Variants in PHACTR4 observed in about 807,000 individuals in gnomAD.
PHACTR4 encodes phosphatase and actin regulator 4.
PHACTR4 carries 51 observed loss-of-function variants against 72.7 expected under a neutral mutation model. That is an observed-to-expected ratio of 0.70 (90% CI 0.56 to 0.89). The LOEUF is 0.89. PHACTR4 is among the 40% of genes least tolerant of loss of function. The pLI is 0.00. For synonymous variants in PHACTR4, 255 were observed against 302.5 expected (o/e 0.84, Z 1.63); for missense variants, 731 against 861.8 (o/e 0.85, Z 1.90).
chr1:28,397,590 C>T (rs1301144303), intron 1 of PHACTR4, among the ~76,000 whole-genome samples: 1 of 152,058 alleles, frequency 6.6e-6, no homozygotes, highest in Non-Finnish European at 1.5e-5. Context: ...TGACGGTTTC[C>T]ATCTGAGTAG....
chr1:28,450,708 C>G (rs1297160676), intron 2 of PHACTR4, among the ~76,000 whole-genome samples: 1 of 152,084 alleles, frequency 6.6e-6, no homozygotes, highest in Non-Finnish European at 1.5e-5. Context: ...CAACCTCAAC[C>G]ACCTGAGCTT....
intron 1 of PHACTR4, among the ~76,000 whole-genome samples, chr1:28,373,296 A>G (rs1205811360): frequency 6.0e-5 from 9 of 149,190 alleles, no homozygotes; most frequent in African/African-American, 2.2e-4. Context: ...TTTAAACATA[A>G]TTTTTTTTTT....
At chr1:28,433,604 C>T (rs1557810906) in intron 2 of PHACTR4, among the ~76,000 whole-genome samples, 1 of 150,694 alleles carries the variant, frequency 6.6e-6, no homozygotes. Context: ...ACTACAGGTG[C>T]CAGCCACCAC....
intron 10 of PHACTR4, chr1:28,489,942 T>C (rs768039448): frequency 1.9e-6 from 1 of 514,712 alleles, no homozygotes; most frequent in South Asian, 1.4e-5. Context: ...TGGGAGCCCT[T>C]ATAACGTATC....
At chr1:28,411,116 G>C (rs1396965987) in intron 2 of PHACTR4, among the ~76,000 whole-genome samples, 6 of 146,352 alleles carry the variant, frequency 4.1e-5, no homozygotes, top group Non-Finnish European at 9.0e-5. Flanking sequence ...GTGTGATCTC[G>C]GCTCACTGCA....
chr1:28,415,507 C>T (rs1383260901), intron 2 of PHACTR4, among the ~76,000 whole-genome samples: 2 of 152,190 alleles, frequency 1.3e-5, no homozygotes, highest in African/African-American at 4.8e-5. Flanking sequence ...GAAACCCTAG[C>T]ATATCACTTA....
intron 1 of PHACTR4, among the ~76,000 whole-genome samples, chr1:28,399,973 A>G (rs951624381): frequency 6.6e-6 from 1 of 152,228 alleles, no homozygotes; most frequent in African/African-American, 2.4e-5. Flanking sequence ...TACAGAAACA[A>G]TAGTAAGCTC....
At chr1:28,438,329 A>G (rs375726651) in intron 2 of PHACTR4, 2 of 1,586,594 alleles carry the variant, frequency 1.3e-6, no homozygotes, top group Non-Finnish European at 1.7e-6. Context: ...TTTTATGAAA[A>G]GTTTGCTTTT....
At position 28,473,758 on chromosome 1, in the gene PHACTR4, C is replaced by A; in HGVS notation, c.1028C>A (p.Pro343Gln). Residue 343 changes from proline to glutamine, a missense_variant, in exon 7 of 14, where the codon CCG becomes CAG. By Grantham distance (76) the Pro-to-Gln change is moderately conservative (BLOSUM62 -1). Around this residue, in one of 2 missense-constraint regions of PHACTR4, gnomAD observed 621 missense variants for 676.6 expected, o/e 0.92. Coordinates refer to ENST00000373839, the MANE Select transcript of PHACTR4 (RefSeq NM_001048183.3). ...ELLPMISPRS[P>Q]SPPLPTHIPP... is the part of the protein sequence containing the mutation. ...CTACCAATGATCTCACCTCGCTCTC[C>A]GTCCCCCCCACTGCCTACTCATATA... The A allele has an allele frequency of 6.2e-7, 1 of 1,614,046 alleles. No individual in the cohort carries two copies. Among genetic ancestry groups the A allele is most frequent in the Non-Finnish European group, 8.5e-7 (1 of 1,180,002 alleles).
chr1:28,407,207 G>T (rs1418109097), intron 1 of PHACTR4, among the ~76,000 whole-genome samples: 2 of 132,610 alleles, frequency 1.5e-5, no homozygotes, highest in Non-Finnish European at 1.6e-5. Context: ...TTGAGCCCAA[G>T]AATTAAAATC....
At chr1:28,460,964 T>C (rs1159082300) in intron 4 of PHACTR4, among the ~76,000 whole-genome samples, 1 of 151,886 alleles carries the variant, frequency 6.6e-6, no homozygotes, top group East Asian at 1.9e-4. Flanking sequence ...TTTGAACACA[T>C]TTGTCCCCAT....
At chr1:28,431,915 G>A (rs1162759398) in intron 2 of PHACTR4, among the ~76,000 whole-genome samples, 1 of 151,944 alleles carries the variant, frequency 6.6e-6, no homozygotes, top group African/African-American at 2.4e-5. Context: ...GGGCTTTTAG[G>A]AAAATAATAT....
In PHACTR4 at chr1:28,460,159, G is replaced by A; in HGVS notation, c.191-53G>A. On this transcript the variant is annotated intron_variant, in intron 3 of 13. Transcript: ENST00000373839. ...TGTAGAATTAGAATGCTAAGTGTAA[G>A]GTTGACTTTCAACTGTCACATTTCT... 3 of 1,242,480 alleles carry A rather than the reference G, an allele frequency of 2.4e-6. No homozygotes were observed. The East Asian group carries it at 7.0e-5, about 29-fold the overall frequency. 77.0% of individuals were successfully genotyped at this position (1,242,480 alleles called of 1,614,324 possible).
intron 9 of PHACTR4, among the ~76,000 whole-genome samples, chr1:28,481,964 C>T (rs917896634): frequency 6.6e-6 from 1 of 151,938 alleles, no homozygotes; most frequent in Non-Finnish European, 1.5e-5. Flanking sequence ...ATGGTGCAAT[C>T]TCGGCTTACT....
At chr1:28,385,542 C>CAAA (rs765203303) in intron 1 of PHACTR4, among the ~76,000 whole-genome samples, 9 of 79,178 alleles carry the variant, frequency 1.1e-4, no homozygotes, top group Non-Finnish European at 2.2e-4. Context: ...GACTCTGTCT[C>CAAA]AAAAAAAAAA....
chr1:28,410,475 T>C (rs1163627101), intron 2 of PHACTR4, among the ~76,000 whole-genome samples: 1 of 152,194 alleles, frequency 6.6e-6, no homozygotes, highest in Non-Finnish European at 1.5e-5. Flanking sequence ...AAACATAACC[T>C]AAATTTTAAT....
chr1:28,423,881 G>A (rs1249113155), intron 2 of PHACTR4, among the ~76,000 whole-genome samples: 1 of 152,152 alleles, frequency 6.6e-6, no homozygotes. Context: ...ATTGGGAGAA[G>A]GAATACTTGG....
At chr1:28,450,684 A>T (rs1657879617) in intron 2 of PHACTR4, among the ~76,000 whole-genome samples, 2 of 151,976 alleles carry the variant, frequency 1.3e-5, no homozygotes, top group African/African-American at 4.8e-5. Context: ...CAGTGGTATG[A>T]TCACAGCTCA....
At chr1:28,485,683 G>A (rs1159471012) in intron 9 of PHACTR4, among the ~76,000 whole-genome samples, 4 of 148,782 alleles carry the variant, frequency 2.7e-5, no homozygotes, top group African/African-American at 1.0e-4. Context: ...GGCGTATCAC[G>A]AGGTCAGGAG....
Sources: allele counts gnomAD v4.1 joint callset (sites outside exome capture counted in the v4.1 genomes callset), GRCh38; gene constraint gnomAD v4.1.1; regional missense constraint gnomAD v4.1.1; transcripts MANE v1.5; gene names NCBI Gene and HGNC (gene_info 2026-07-23, HGNC 2026-07-21).